Variants in DOCK2 observed in about 807,000 individuals in gnomAD.
The protein encoded by DOCK2 is dedicator of cytokinesis 2, also known as dedicator of cytokinesis protein 2.
A neutral mutation model predicts 248.9 loss-of-function variants in DOCK2; 87 were observed. The observed-to-expected ratio is 0.35, with a 90% CI of 0.29 to 0.42. The LOEUF is 0.42. Among genes scored for constraint, DOCK2 ranks in the 10% least tolerant of loss-of-function variants. DOCK2 has a pLI of 1.00. For synonymous variants in DOCK2, 805 were observed against 821.6 expected, an observed-to-expected ratio of 0.98 and a Z score of 0.35; for missense variants, 1,747 against 2,300.2, an observed-to-expected ratio of 0.76 and a Z score of 4.92.
chr5:169,882,986 A>G (rs79605350), intron 27 of DOCK2: 1 of 1,551,602 alleles, frequency 6.4e-7, no homozygotes, highest in South Asian at 1.2e-5. Flanking sequence ...GTCCGTGGAG[A>G]TGAAGGAACA....
chr5:169,823,140 C>G (rs570026431), intron 26 of DOCK2, among the ~76,000 whole-genome samples: 4 of 152,050 alleles, frequency 2.6e-5, no homozygotes, highest in Non-Finnish European at 5.9e-5. Context: ...AGCTTACCAG[C>G]CAAAAAAAGT....
intron 27 of DOCK2, among the ~76,000 whole-genome samples, chr5:169,861,124 G>A (rs947896017): frequency 1.3e-5 from 2 of 151,478 alleles, no homozygotes; most frequent in Admixed American, 6.6e-5. Context: ...CGGGACACGC[G>A]GGGCTTCATG....
At chr5:169,699,714 A>G (rs1271217543) in intron 12 of DOCK2, among the ~76,000 whole-genome samples, 1 of 152,236 alleles carries the variant, frequency 6.6e-6, no homozygotes, top group Non-Finnish European at 1.5e-5. Flanking sequence ...GCACTTTAAT[A>G]AGTTACCTTG....
At chr5:169,823,722 G>T (rs1653803311) in intron 26 of DOCK2, among the ~76,000 whole-genome samples, 1 of 152,162 alleles carries the variant, frequency 6.6e-6, no homozygotes, top group Admixed American at 6.5e-5. Context: ...AGACAGGGAC[G>T]CCCTCTCTCA....
intron 23 of DOCK2, among the ~76,000 whole-genome samples, chr5:169,755,521 T>A (rs1764150269): frequency 6.6e-6 from 1 of 152,046 alleles, no homozygotes; most frequent in Admixed American, 6.6e-5. Context: ...GGCGGGTGGA[T>A]CACCTGAGGT....
At chr5:169,938,573 A>G (rs1457941853) in intron 27 of DOCK2, among the ~76,000 whole-genome samples, 1 of 152,254 alleles carries the variant, frequency 6.6e-6, no homozygotes, top group East Asian at 1.9e-4. Context: ...GTCCACCTGT[A>G]CAGGACACTT....
intron 27 of DOCK2, among the ~76,000 whole-genome samples, chr5:169,933,065 C>T (rs1462822724): frequency 6.6e-6 from 1 of 152,198 alleles, no homozygotes; most frequent in Non-Finnish European, 1.5e-5. Flanking sequence ...ATTGCCTTTC[C>T]ACCTATCCTA....
At position 170,055,382 on chromosome 5, in the gene DOCK2, A is replaced by G; in HGVS notation, c.4291A>G (p.Ile1431Val). 2 of 1,614,014 alleles carry G rather than the reference A, an allele frequency of 1.2e-6. No homozygotes were observed. Among genetic ancestry groups the G allele is most frequent in the Non-Finnish European group, 1.7e-6 (2 of 1,179,852 alleles). ...FKNKPVPDQIINFYKSNYVQR... is the reference protein window; with the variant it reads ...FKNKPVPDQIVNFYKSNYVQR... Reference sequence around the variant, plus strand: ...GAATAAGCCAGTGCCTGACCAGATTATAAAGTAAGACTCGTTGTCCACAGG... The same window carrying G: ...GAATAAGCCAGTGCCTGACCAGATTGTAAAGTAAGACTCGTTGTCCACAGG... The change falls in exon 42 of 52, where the codon ATA (isoleucine) becomes GTA (valine). Residue 1431 changes from isoleucine (I) to valine (V), a missense_variant. Physicochemically the swap from Ile to Val is conservative, Grantham distance 29. Around this residue, in one of 4 missense-constraint regions of DOCK2, gnomAD observed 513 missense variants for 586.1 expected, o/e 0.88. Coordinates refer to ENST00000520908, the MANE Select transcript of DOCK2 (RefSeq NM_004946.3).
chr5:170,008,857 A>T (rs1482697417), intron 32 of DOCK2, 111 bp downstream of exon 32: 7 of 1,301,680 alleles, frequency 5.4e-6, no homozygotes, highest in Admixed American at 1.7e-5. Flanking sequence ...ATGAAATAAC[A>T]GTTCATTACT....
intron 35 of DOCK2, 21 bp from the exon 36 acceptor site, chr5:170,036,494 T>C (rs1326858478): frequency 6.2e-7 from 1 of 1,612,156 alleles, no homozygotes; most frequent in Non-Finnish European, 8.5e-7. Flanking sequence ...CACTCATCAT[T>C]GTTTTTCCTC....
intron 22 of DOCK2, among the ~76,000 whole-genome samples, chr5:169,727,863 G>A (rs1399892842): frequency 6.6e-6 from 1 of 152,128 alleles, no homozygotes; most frequent in South Asian, 2.1e-4. Flanking sequence ...TCTAAAGCAG[G>A]GGATTAACAT....
intron 25 of DOCK2, among the ~76,000 whole-genome samples, chr5:169,765,241 T>A (rs1037137288): frequency 3.3e-5 from 5 of 152,228 alleles, no homozygotes; most frequent in African/African-American, 1.2e-4. Flanking sequence ...AGTCACAGAA[T>A]GGGTCCCCTT....
At chr5:169,821,456 G>A (rs896324585) in intron 26 of DOCK2, among the ~76,000 whole-genome samples, 2 of 152,028 alleles carry the variant, frequency 1.3e-5, no homozygotes, top group Non-Finnish European at 2.9e-5. Context: ...AGAGAGTGGG[G>A]GCCAATATTC....
At position 169,874,223 on chromosome 5, in the gene DOCK2, G is replaced by A. The variant is rs2113470523; in HGVS notation, c.2799+33371G>A. Among the ~76,000 whole-genome samples, 2 of 152,114 alleles carry A rather than the reference G, an allele frequency of 1.3e-5. 1 individual carries two copies. The highest frequency in any genetic ancestry group is 1.3e-4 in the Admixed American group (2 of 15,278). ...AGGTCAGGGGTTCAAGACCAGCCTG[G>A]CCAACATGGTGAAACCCCGTCTCTA... On this transcript the variant is annotated intron_variant, in intron 27 of 51. Transcript: ENST00000520908.
At chr5:170,045,124 C>A (rs1194668505) in intron 38 of DOCK2, among the ~76,000 whole-genome samples, 1 of 152,046 alleles carries the variant, frequency 6.6e-6, no homozygotes, top group Non-Finnish European at 1.5e-5. Context: ...TCTAGCACCA[C>A]CCCTTCCACC....
At chr5:170,038,996 G>A (rs1047854468) in intron 36 of DOCK2, among the ~76,000 whole-genome samples, 3 of 152,190 alleles carry the variant, frequency 2.0e-5, no homozygotes, top group African/African-American at 4.8e-5. Context: ...GCAATTTCAC[G>A]GTTAACTCCG....
At chr5:169,803,289 T>C in intron 26 of DOCK2, 83 bp downstream of exon 26, 1 of 1,520,490 alleles carries the variant, frequency 6.6e-7, no homozygotes, top group Non-Finnish European at 8.8e-7. Flanking sequence ...TACTGATGGA[T>C]AGCAGCTGGA....
chr5:169,976,172 T>C (rs1053672694), intron 27 of DOCK2, among the ~76,000 whole-genome samples: 1 of 152,214 alleles, frequency 6.6e-6, no homozygotes, highest in Non-Finnish European at 1.5e-5. Context: ...CAAGTTCAAC[T>C]CTACCTTCTG....
At position 169,716,317 on chromosome 5, in the gene DOCK2, A is replaced by G. The variant is rs768023843; in HGVS notation, c.2031+15A>G. ...TTGATGCCTTGGTAAGAGAGAGGGG[A>G]AAAGTGTCTAGTGACAACAGGCATT... On this transcript the variant is annotated intron_variant, in intron 20 of 51. Coordinates refer to ENST00000520908, the MANE Select transcript of DOCK2 (RefSeq NM_004946.3). 4 of 1,610,820 alleles carry G rather than the reference A, an allele frequency of 2.5e-6. No individual in the cohort carries two copies. The highest frequency in any genetic ancestry group is 3.4e-6 in the Non-Finnish European group (4 of 1,177,496).
Sources: gnomAD v4.1 joint callset for allele counts (sites outside exome capture counted in the v4.1 genomes callset) on GRCh38, gnomAD v4.1.1 for gene constraint, gnomAD v4.1.1 regional missense constraint, MANE v1.5 for transcripts, NCBI Gene and HGNC (gene_info 2026-07-23, HGNC 2026-07-21) for gene names.